KCNH5: variants seen among roughly 807,000 people sequenced by gnomAD.
The protein encoded by KCNH5 is voltage-gated delayed rectifier potassium channel KCNH5.
In KCNH5, 46 loss-of-function variants were observed where a neutral mutation model predicts 96.1. That is an observed-to-expected ratio of 0.48 (90% CI 0.38 to 0.61). The LOEUF (loss-of-function observed/expected upper bound fraction) is 0.61, where lower values mean the gene tolerates loss of function less well. KCNH5 is among the 20% of genes least tolerant of loss of function. The pLI is 0.00. For missense variants in KCNH5, 907 were observed against 1,225.8 expected, an observed-to-expected ratio of 0.74 and a Z score of 3.88; for synonymous variants, 439 against 449.8, an observed-to-expected ratio of 0.98 and a Z score of 0.30.
chr14:62,992,945 C>G (rs1406914979), intron 4 of KCNH5, among the ~76,000 whole-genome samples: 2 of 151,940 alleles, frequency 1.3e-5, no homozygotes, highest in African/African-American at 4.8e-5. Context: ...TTTATAACTT[C>G]AAGTCTTATG....
chr14:62,906,940 A>G (rs894698456), intron 7 of KCNH5, among the ~76,000 whole-genome samples: 1 of 152,202 alleles, frequency 6.6e-6, no homozygotes, highest in Non-Finnish European at 1.5e-5. Flanking sequence ...TAAAAAATGT[A>G]TCCTGCAATG....
At chr14:62,948,064 G>A (rs1466975277) in intron 7 of KCNH5, among the ~76,000 whole-genome samples, 1 of 151,630 alleles carries the variant, frequency 6.6e-6, no homozygotes, top group Non-Finnish European at 1.5e-5. Context: ...ACCTATGAGT[G>A]AGAATATGCG....
chr14:63,030,374 T>A (rs927105953), intron 1 of KCNH5, among the ~76,000 whole-genome samples: 1 of 152,208 alleles, frequency 6.6e-6, no homozygotes, highest in African/African-American at 2.4e-5. Flanking sequence ...GGGCTAAGAC[T>A]TGAAAACAAC....
intron 7 of KCNH5, among the ~76,000 whole-genome samples, chr14:62,904,444 G>T (rs140490763): frequency 6.6e-6 from 1 of 152,158 alleles, no homozygotes; most frequent in East Asian, 1.9e-4. Flanking sequence ...CAACCAAAAA[G>T]TTCCTCACAT....
At chr14:62,835,362 T>C (rs907772259) in intron 8 of KCNH5, among the ~76,000 whole-genome samples, 2 of 152,052 alleles carry the variant, frequency 1.3e-5, no homozygotes, top group African/African-American at 4.8e-5. Context: ...GGTGTATTAT[T>C]TTAAGAGGTC....
chr14:62,829,449 G>A (rs952226880), intron 8 of KCNH5, among the ~76,000 whole-genome samples: 3 of 152,190 alleles, frequency 2.0e-5, no homozygotes, highest in Admixed American at 6.6e-5. Flanking sequence ...TGAAATCTAG[G>A]GGAAGGCTCC....
intron 10 of KCNH5, among the ~76,000 whole-genome samples, chr14:62,734,343 C>A (rs1453944399): frequency 1.3e-5 from 2 of 152,126 alleles, no homozygotes. Context: ...CTGCTCTGAC[C>A]CTTACCTCTA....
rs559706464 is a variant in KCNH5, at chr14:62,872,553, C to T, written c.1370-22701G>A. Among the ~76,000 whole-genome samples, 354 of 152,052 alleles carry T rather than the reference C, an allele frequency of 2.3e-3. 2 individuals are homozygous for T. The highest frequency in any genetic ancestry group is 7.9e-3 in the African/African-American group (326 of 41,490). ...AAAAGACCAAAAAAAATTAGCTGGG[C>T]GTGGTGGCATGTGCCTGTACTCCCA... On this transcript the variant is annotated intron_variant, in intron 7 of 10. Coordinates refer to ENST00000322893, the MANE Select transcript of KCNH5 (RefSeq NM_139318.5).
intron 7 of KCNH5, among the ~76,000 whole-genome samples, chr14:62,855,730 A>G (rs1303850809): frequency 6.6e-6 from 1 of 152,224 alleles, no homozygotes; most frequent in Non-Finnish European, 1.5e-5. Context: ...AAATGGAAAA[A>G]TGCCTTTTTA....
chr14:62,884,983 C>T (rs1244799885), intron 7 of KCNH5, among the ~76,000 whole-genome samples: 1 of 152,006 alleles, frequency 6.6e-6, no homozygotes, highest in Non-Finnish European at 1.5e-5. Flanking sequence ...TTATAGGATG[C>T]CAGTGTACAA....
chr14:62,843,706 G>A (rs113523809), intron 8 of KCNH5, among the ~76,000 whole-genome samples: 4,632 of 152,058 alleles, frequency 0.03, 256 homozygotes, highest in African/African-American at 0.1. Flanking sequence ...CACTGAGCCC[G>A]GCCCCTACAT....
At chr14:62,957,894 C>A (rs563986874) in intron 6 of KCNH5, among the ~76,000 whole-genome samples, 5 of 152,270 alleles carry the variant, frequency 3.3e-5, no homozygotes, top group Admixed American at 1.3e-4. Context: ...GCAGAACCAC[C>A]CAATTGAACT....
At position 62,985,797 on chromosome 14, in the gene KCNH5, A is replaced by C. The variant is rs144977696; in HGVS notation, c.549+1275T>G. Among the ~76,000 whole-genome samples, 693 of 152,146 alleles carry C rather than the reference A, an allele frequency of 4.6e-3. 3 individuals are homozygous for C. The highest frequency in any genetic ancestry group is 6.6e-3 in the Non-Finnish European group (448 of 68,000). ...ATCCTTCCAGAGTGCCAGACCCATAAATCTCCCTGCTGTTCAGGCATCTCC... is the reference window on the plus strand; with the variant it reads ...ATCCTTCCAGAGTGCCAGACCCATACATCTCCCTGCTGTTCAGGCATCTCC... On this transcript the variant is annotated intron_variant, in intron 5 of 10. Transcript: ENST00000322893.
At chr14:62,867,007 G>C (rs74058716) in intron 7 of KCNH5, among the ~76,000 whole-genome samples, 1,898 of 152,048 alleles carry the variant, frequency 0.012, 37 homozygotes, top group African/African-American at 0.043. Flanking sequence ...AGTTCTGTAG[G>C]GTAAATGTGG....
chr14:62,990,110 G>T (rs1260659750), intron 4 of KCNH5, among the ~76,000 whole-genome samples: 2 of 151,730 alleles, frequency 1.3e-5, no homozygotes, highest in African/African-American at 4.8e-5. Context: ...GTGAAAAAAA[G>T]GTTTATCCAG....
intron 8 of KCNH5, among the ~76,000 whole-genome samples, chr14:62,821,089 T>C (rs185090644): frequency 2.6e-4 from 39 of 151,646 alleles, no homozygotes; most frequent in Admixed American, 2.2e-3. Context: ...CTGACTGCTG[T>C]GAGATGGTAT....
intron 2 of KCNH5, among the ~76,000 whole-genome samples, chr14:63,008,196 G>A (rs1010003226): frequency 6.6e-6 from 1 of 152,050 alleles, no homozygotes; most frequent in Non-Finnish European, 1.5e-5. Context: ...CAGATCCAAA[G>A]TGTGGTGGAG....
intron 6 of KCNH5, among the ~76,000 whole-genome samples, chr14:62,952,093 G>A (rs1481202805): frequency 6.6e-6 from 1 of 151,792 alleles, no homozygotes; most frequent in Non-Finnish European, 1.5e-5. Flanking sequence ...AAGAGAAGTA[G>A]AAACAAGAGT....
At chr14:62,961,904 C>G (rs1391189000) in intron 6 of KCNH5, among the ~76,000 whole-genome samples, 2 of 141,312 alleles carry the variant, frequency 1.4e-5, no homozygotes, top group African/African-American at 2.7e-5. Flanking sequence ...GGAGATGATG[C>G]AGATGGAGAT....
Sources: gnomAD v4.1 joint callset for allele counts (sites outside exome capture counted in the v4.1 genomes callset) on GRCh38, gnomAD v4.1.1 for gene constraint, MANE v1.5 for transcripts, NCBI Gene and HGNC (gene_info 2026-07-23, HGNC 2026-07-21) for gene names.